CACNA1A: variants seen among roughly 807,000 people sequenced by gnomAD.
CACNA1A encodes the protein calcium voltage-gated channel subunit alpha1 A, also known as voltage-dependent P/Q-type calcium channel subunit alpha-1A.
CACNA1A carries 57 observed loss-of-function variants against 262.4 expected under a neutral mutation model. The observed-to-expected ratio is 0.22, with a 90% CI of 0.18 to 0.27. CACNA1A has a LOEUF of 0.27. Among genes scored for constraint, CACNA1A ranks in the 10% least tolerant of loss-of-function variants. The pLI is 1.00. For synonymous variants in CACNA1A, 1,431 were observed against 1,419.3 expected (o/e 1.01, Z -0.18); for missense variants, 2,526 against 3,562.8 (o/e 0.71, Z 7.41).
intron 24 of CACNA1A, 41 bp from the exon 25 acceptor site, chr19:13,262,874 A>G: frequency 1.4e-6 from 2 of 1,419,268 alleles, no homozygotes; most frequent in Non-Finnish European, 2.0e-6. Flanking sequence ...GAAGAGAGGA[A>G]GCAGAGGTCA....
At chr19:13,427,618 T>C (rs1423673131) in intron 3 of CACNA1A, among the ~76,000 whole-genome samples, 1 of 150,774 alleles carries the variant, frequency 6.6e-6, no homozygotes, top group African/African-American at 2.5e-5. Context: ...TATGCTTTGA[T>C]CTCTCTCTCT....
intron 3 of CACNA1A, among the ~76,000 whole-genome samples, chr19:13,437,748 G>A (rs1158927379): frequency 3.3e-5 from 5 of 149,532 alleles, no homozygotes; most frequent in African/African-American, 9.8e-5. Flanking sequence ...AGGGAGAAGA[G>A]TTAAGGTCTC....
chr19:13,369,781 G>C (rs895430550), intron 4 of CACNA1A, among the ~76,000 whole-genome samples: 2 of 152,214 alleles, frequency 1.3e-5, no homozygotes, highest in African/African-American at 4.8e-5. Context: ...TGGGATTACA[G>C]GTGTGAGCCA....
chr19:13,393,783 T>TTCCTTCCTTCCTTCCCTCCCTCCC (rs1568602701), intron 3 of CACNA1A, among the ~76,000 whole-genome samples: 15 of 73,752 alleles, frequency 2.0e-4, no homozygotes, highest in Admixed American at 3.6e-4. Context: ...CCCTCCCTCC[T>TTCCTTCCTTCCTTCCCTCCCTCCC]TCCTTCCTTC....
At chr19:13,259,319 T>G (rs1025424136) in intron 27 of CACNA1A, 1 of 118,390 alleles carries the variant, frequency 8.4e-6, no homozygotes, top group African/African-American at 3.5e-5. Flanking sequence ...CAGCTTTTTT[T>G]TTTTTTTTTT....
chr19:13,277,951 G>C (rs2144843897), intron 22 of CACNA1A: 1 of 152,348 alleles, frequency 6.6e-6, no homozygotes. Flanking sequence ...AGCTGGGCAT[G>C]GTGGCGTGTG....
At chr19:13,482,848 T>TG (rs1979504694) in intron 1 of CACNA1A, among the ~76,000 whole-genome samples, 5 of 134,016 alleles carry the variant, frequency 3.7e-5, no homozygotes, top group South Asian at 2.7e-4. Flanking sequence ...TTCTCTCAAC[T>TG]TGTGTGTGTG....
chr19:13,241,830 AAC>A lies in CACNA1A; in HGVS notation c.4950+3350_4950+3351del, dbSNP rs1232519056. Among the ~76,000 whole-genome samples the A allele has an allele frequency of 6.6e-6, 1 of 152,156 alleles. No homozygotes were observed. The highest frequency in any genetic ancestry group is 1.5e-5 in the Non-Finnish European group (1 of 68,016). On this transcript the variant is annotated intron_variant, in intron 31 of 46. Transcript: ENST00000360228. The surrounding 1 kb of genome is among the most constrained non-coding windows in gnomAD (Gnocchi z 4.0). ...AGGCATGAAAAGAGACAAGACAAGA[AAC>A]ACAGTCATTATCCATTGCACACAGG...
At chr19:13,286,437 A>G in intron 20 of CACNA1A, 66 bp downstream of exon 20, 1 of 753,914 alleles carries the variant, frequency 1.3e-6, no homozygotes, top group Admixed American at 3.1e-5. Context: ...AGGGTCACTC[A>G]GCAGAGCCTC....
chr19:13,207,990 C>T lies in CACNA1A; in HGVS notation c.6844G>A (p.Gly2282Ser). Reference sequence around the variant, plus strand: ...GGGGTCTGGGGGAGCTGGCGGCGGCCCCGCCGCGGAGTGCTGGTACCAGAT... The same window carrying T: ...GGGGTCTGGGGGAGCTGGCGGCGGCTCCGCCGCGGAGTGCTGGTACCAGAT... ...STSGTSTPRR[G>S]RRQLPQTPST... The change falls in exon 47 of 47, where the codon GGC becomes AGC. Residue 2282 changes from glycine to serine, a missense_variant. Coordinates refer to ENST00000360228, the MANE Select transcript of CACNA1A (RefSeq NM_001127222.2). The surrounding 1 kb of genome is among the most constrained non-coding windows in gnomAD (Gnocchi z 5.7). The T allele has an allele frequency of 1.5e-6, 2 of 1,334,122 alleles. No individual in the cohort carries two copies. The highest frequency in any genetic ancestry group is 1.9e-6 in the Non-Finnish European group (2 of 1,046,954). 82.6% of individuals were successfully genotyped at this position (1,334,122 alleles called of 1,614,324 possible).
At chr19:13,449,863 G>T (rs2144920889) in intron 3 of CACNA1A, among the ~76,000 whole-genome samples, 1 of 152,280 alleles carries the variant, frequency 6.6e-6, no homozygotes, top group East Asian at 1.9e-4. Flanking sequence ...TTGTTTTGCT[G>T]GGCACAGTGG....
chr19:13,212,637 C>T lies in CACNA1A; in HGVS notation c.6044G>A (p.Gly2015Glu), dbSNP rs772988279. The T allele has an allele frequency of 9.5e-5, 144 of 1,518,780 alleles. No individual in the cohort carries two copies. Among genetic ancestry groups the T allele is most frequent in the Non-Finnish European group, 1.2e-4 (134 of 1,129,476 alleles). 94.1% of individuals were successfully genotyped at this position (1,518,780 alleles called of 1,614,324 possible). A position where few individuals can be genotyped will look rare whatever the true frequency, so the allele number is the denominator to read the frequency against. Reference sequence around the variant, plus strand: ...TGGCAGGGGTGACACTCACAGGGCTCCTCCTGGGTCCAGCTGGGTGGAGGG... The same window carrying T: ...TGGCAGGGGTGACACTCACAGGGCTTCTCCTGGGTCCAGCTGGGTGGAGGG... ...ALPSTQLDPG[G>E]ALMAHESGLK... The change falls in exon 41 of 47, where the codon GGA becomes GAA. Residue 2015 changes from glycine (G) to glutamate (E), a missense_variant. Gly to Glu is a moderately conservative substitution (Grantham distance 98). This residue lies in a region of CACNA1A where 929 missense variants were observed against 868.1 expected (regional missense o/e 1.07). Coordinates refer to ENST00000360228, the MANE Select transcript of CACNA1A (RefSeq NM_001127222.2). The surrounding 1 kb of genome is among the most constrained non-coding windows in gnomAD (Gnocchi z 5.6).
chr19:13,344,961 G>A (rs1323821443), intron 6 of CACNA1A, among the ~76,000 whole-genome samples: 1 of 151,958 alleles, frequency 6.6e-6, no homozygotes, highest in East Asian at 1.9e-4. Context: ...GTTTCGCCAT[G>A]TTGGCCAGGC....
intron 1 of CACNA1A, among the ~76,000 whole-genome samples, chr19:13,455,530 AGAG>A (rs754904837): frequency 5.3e-5 from 8 of 152,234 alleles, no homozygotes; most frequent in African/African-American, 9.6e-5. Context: ...AAAGCAGACA[AGAG>A]GAGAAGCTTC....
intron 27 of CACNA1A, chr19:13,258,275 G>T (rs1271891695): frequency 6.6e-6 from 1 of 152,214 alleles, no homozygotes; most frequent in Non-Finnish European, 1.5e-5. Flanking sequence ...AGTAGAGGTG[G>T]GTGTATGCAT....
chr19:13,292,386 G>A (rs1433814307), intron 19 of CACNA1A, among the ~76,000 whole-genome samples: 1 of 152,166 alleles, frequency 6.6e-6, no homozygotes, highest in Non-Finnish European at 1.5e-5. Flanking sequence ...GCTGAGGTGG[G>A]AGGATCGCTT....
chr19:13,243,266 TGAGGG>T (rs1438018587), intron 31 of CACNA1A, among the ~76,000 whole-genome samples: 1 of 152,088 alleles, frequency 6.6e-6, no homozygotes, highest in Non-Finnish European at 1.5e-5. Flanking sequence ...AGGGATAGGG[TGAGGG>T]GAAGGGGAAA....
rs1209987242 is a variant in CACNA1A at position 13,497,531 on chromosome 19, T to A, written c.293+8401A>T. 3.7e-3 allele frequency among the ~76,000 whole-genome samples: 5 copies of A among 1,340 alleles called. 1 individual carries two copies. The highest frequency in any genetic ancestry group is 9.7e-3 in the African/African-American group (3 of 310). 0.9% of individuals were successfully genotyped at this position (1,340 alleles called of 152,430 possible). ...AAAAAAAAAAAAAAAAATATATATATATATATATATATATATATATATATA... is the reference window on the plus strand; with the variant it reads ...AAAAAAAAAAAAAAAAATATATATAAATATATATATATATATATATATATA... On this transcript the variant is annotated intron_variant, in intron 1 of 46. Coordinates refer to ENST00000360228, the MANE Select transcript of CACNA1A (RefSeq NM_001127222.2).
At chr19:13,257,100 T>G (rs762859720) in intron 28 of CACNA1A, 19 of 316,648 alleles carry the variant, frequency 6.0e-5, no homozygotes, top group East Asian at 1.7e-4. Context: ...TTGTGGATAT[T>G]TGGCAATGAA....
Sources: gnomAD v4.1 joint callset for allele counts (sites outside exome capture counted in the v4.1 genomes callset) on GRCh38, gnomAD v4.1.1 for gene constraint, gnomAD v4.1.1 regional missense constraint, Gnocchi (gnomAD v3.1) non-coding constraint, MANE v1.5 for transcripts, NCBI Gene and HGNC (gene_info 2026-07-23, HGNC 2026-07-21) for gene names.